The following PRKAG2 variants were observed in gnomAD, a reference collection of about 807,000 sequenced individuals.
PRKAG2 encodes the protein protein kinase AMP-activated non-catalytic subunit gamma 2, also known as 5'-AMP-activated protein kinase subunit gamma-2.
In PRKAG2, 26 loss-of-function variants were observed where a neutral mutation model predicts 69.6. The observed-to-expected ratio is 0.37, with a 90% CI of 0.27 to 0.52. The LOEUF (loss-of-function observed/expected upper bound fraction) is 0.52. Among genes scored for constraint, PRKAG2 ranks in the 20% least tolerant of loss-of-function variants. The pLI is 0.90. For synonymous variants in PRKAG2, 293 were observed against 285.0 expected (o/e 1.03, Z -0.28); for missense variants, 557 against 740.0 (o/e 0.75, Z 2.87).
intron 1 of PRKAG2, among the ~76,000 whole-genome samples, chr7:151,795,889 ATC>A (rs1491192024): frequency 6.7e-5 from 7 of 105,196 alleles, no homozygotes; most frequent in South Asian, 2.9e-4. Flanking sequence ...ATATATATAT[ATC>A]ACGATAATAT....
chr7:151,756,972 G>A lies in PRKAG2; in HGVS notation c.466+24180C>T, dbSNP rs1231122415. Among the ~76,000 whole-genome samples, 3 of 152,146 alleles carry A rather than the reference G, an allele frequency of 2.0e-5. No homozygotes were observed. The highest frequency in any genetic ancestry group is 6.5e-5 in the Admixed American group (1 of 15,274). Reference sequence around the variant, plus strand: ...GCTGCGATTCGGGGGAGTAACCAGCGGTGAGCTTCAGGCCTAAATGCTGGA... The same window carrying A: ...GCTGCGATTCGGGGGAGTAACCAGCAGTGAGCTTCAGGCCTAAATGCTGGA... On this transcript the variant is annotated intron_variant, in intron 3 of 15. Coordinates refer to ENST00000287878, the MANE Select transcript of PRKAG2 (RefSeq NM_016203.4). The surrounding 1 kb of genome is among the most constrained non-coding windows in gnomAD (Gnocchi z 4.9).
intron 3 of PRKAG2, among the ~76,000 whole-genome samples, chr7:151,703,909 C>A (rs964310697): frequency 3.8e-5 from 5 of 131,584 alleles, no homozygotes; most frequent in East Asian, 2.1e-4. Flanking sequence ...CACACACACA[C>A]AAATTAGCTA....
intron 3 of PRKAG2, among the ~76,000 whole-genome samples, chr7:151,694,896 C>T (rs182520127): frequency 2.6e-5 from 4 of 152,362 alleles, no homozygotes; most frequent in East Asian, 1.9e-4. Context: ...CGCACCCACA[C>T]GTTTCCTGGG....
At chr7:151,595,693 A>G (rs1372511972) in intron 5 of PRKAG2, among the ~76,000 whole-genome samples, 1 of 152,260 alleles carries the variant, frequency 6.6e-6, no homozygotes, top group Non-Finnish European at 1.5e-5. Context: ...GTTGAAAAGG[A>G]AAAAGCAAAA....
rs1002972401 is a variant in PRKAG2, at chr7:151,583,008, C to T, written c.865-6556G>A. ...CAGTCTATACTGACCAAACCAGAAG[C>T]CAACAGAAATTTCTTCTTTTTTTCA... is the stretch of plus-strand genomic sequence containing the variant. On this transcript the variant is annotated intron_variant, in intron 6 of 15. Transcript: ENST00000287878. The surrounding 1 kb of genome is among the most constrained non-coding windows in gnomAD (Gnocchi z 4.1). Among the ~76,000 whole-genome samples the T allele has an allele frequency of 6.6e-6, 1 of 152,162 alleles. No homozygotes were observed. Among genetic ancestry groups the T allele is most frequent in the South Asian group, 2.1e-4 (1 of 4,824 alleles).
intron 5 of PRKAG2, among the ~76,000 whole-genome samples, chr7:151,622,291 C>A (rs546049484): frequency 9.2e-5 from 14 of 152,346 alleles, no homozygotes; most frequent in Non-Finnish European, 1.9e-4. Context: ...AGAGATTACA[C>A]ATACGTCCAT....
intron 1 of PRKAG2, among the ~76,000 whole-genome samples, chr7:151,833,235 G>A (rs971137879): frequency 6.6e-6 from 1 of 151,902 alleles, no homozygotes; most frequent in African/African-American, 2.4e-5. Flanking sequence ...GGGTGGACCT[G>A]AGAAAGGGAA....
intron 1 of PRKAG2, among the ~76,000 whole-genome samples, chr7:151,875,502 T>C (rs1459417792): frequency 1.3e-5 from 2 of 151,686 alleles, no homozygotes; most frequent in Non-Finnish European, 2.9e-5. Context: ...GACAGCCCAT[T>C]CACTGCGCAC....
In PRKAG2 at chr7:151,560,389, A is replaced by G. The variant is rs772016660; in HGVS notation, c.1678+135T>C. On this transcript the variant is annotated intron_variant, in intron 15 of 15. Transcript: ENST00000287878. Reference sequence around the variant, plus strand: ...CTTCCCAACTGAAGAGAAAACGAAAATGGTTTCAAAGTAATATACTCAAAG... The same window carrying G: ...CTTCCCAACTGAAGAGAAAACGAAAGTGGTTTCAAAGTAATATACTCAAAG... 130 of 1,581,116 alleles carry G rather than the reference A, an allele frequency of 8.2e-5. No homozygotes were observed. The highest frequency in any genetic ancestry group is 1.1e-4 in the Non-Finnish European group (123 of 1,164,814).
chr7:151,593,291 G>A (rs914387551), intron 6 of PRKAG2, among the ~76,000 whole-genome samples: 1 of 152,168 alleles, frequency 6.6e-6, no homozygotes, highest in Admixed American at 6.5e-5. Flanking sequence ...GGGTTGAAGC[G>A]ACCCTCCCGC....
chr7:151,602,682 G>C (rs1280805286), intron 5 of PRKAG2, among the ~76,000 whole-genome samples: 3 of 152,096 alleles, frequency 2.0e-5, no homozygotes, highest in Non-Finnish European at 4.4e-5. Flanking sequence ...GATATGGTTT[G>C]GCTTCGTGTC....
chr7:151,658,289 C>T (rs912226618), intron 4 of PRKAG2, among the ~76,000 whole-genome samples: 1 of 151,326 alleles, frequency 6.6e-6, no homozygotes, highest in African/African-American at 2.4e-5. Context: ...AGTTTGAGAA[C>T]AGCCTGACCA....
At chr7:151,686,232 G>C (rs1214594615) in intron 3 of PRKAG2, among the ~76,000 whole-genome samples, 1 of 152,202 alleles carries the variant, frequency 6.6e-6, no homozygotes, top group Non-Finnish European at 1.5e-5. Context: ...TGTGAGCTGT[G>C]TGACGTTCCC....
At chr7:151,858,976 G>T (rs2079851953) in intron 1 of PRKAG2, among the ~76,000 whole-genome samples, 1 of 152,184 alleles carries the variant, frequency 6.6e-6, no homozygotes, top group Non-Finnish European at 1.5e-5. Flanking sequence ...TCGACAGCAG[G>T]TCCAGCCCCA....
intron 6 of PRKAG2, among the ~76,000 whole-genome samples, chr7:151,587,095 T>C (rs970478737): frequency 1.3e-5 from 2 of 152,098 alleles, no homozygotes; most frequent in African/African-American, 4.8e-5. Flanking sequence ...GAGCCGAGAT[T>C]GCGCCACTGA....
rs730880989 is a variant in PRKAG2 at position 151,781,272 on chromosome 7, G to A, written c.346C>T (p.Arg116Cys). The change falls in exon 3 of 16, where the codon CGC becomes TGC. Residue 116 changes from arginine (R) to cysteine (C), a missense_variant. This residue lies in a region of PRKAG2 where 352 missense variants were observed against 356.7 expected (regional missense o/e 0.99). Transcript: ENST00000287878. The surrounding 1 kb of genome is among the most constrained non-coding windows in gnomAD (Gnocchi z 6.1). ...CTGAAGCTCATGCGTCGAGGGGAGC[G>A]TGGCGGGGACTCCTGGTAGGAGAAC... ...FPFSYQESPP[R>C]SPRRMSFSGI... 1.4e-5 allele frequency: 23 copies of A among 1,614,000 alleles called. No individual in the cohort carries two copies. The highest frequency in any genetic ancestry group is 1.1e-4 in the East Asian group (5 of 44,890).
intron 3 of PRKAG2, among the ~76,000 whole-genome samples, chr7:151,763,163 C>A (rs1309373087): frequency 6.6e-6 from 1 of 152,208 alleles, no homozygotes; most frequent in Non-Finnish European, 1.5e-5. Flanking sequence ...CGGGTGGGCT[C>A]GGAAGTGCCA....
rs1056656742 is a variant in PRKAG2, at chr7:151,567,178, T to C, written c.1234-1293A>G. On this transcript the variant is annotated intron_variant, in intron 11 of 15. Transcript: ENST00000287878. The surrounding 1 kb of genome is among the most constrained non-coding windows in gnomAD (Gnocchi z 4.2). ...ACTGGGGGCACGTTTCCCAGCCAGG[T>C]GTCCTGTGTATGCAAGGTATGCAAA... is the stretch of plus-strand genomic sequence containing the variant. Among the ~76,000 whole-genome samples the C allele has an allele frequency of 5.9e-5, 9 of 152,088 alleles. No individual in the cohort carries two copies. The highest frequency in any genetic ancestry group is 5.9e-4 in the Admixed American group (9 of 15,252).
chr7:151,612,633 C>A (rs533196992), intron 5 of PRKAG2, among the ~76,000 whole-genome samples: 2 of 152,226 alleles, frequency 1.3e-5, no homozygotes, highest in Non-Finnish European at 2.9e-5. Context: ...CACTGCCTGG[C>A]GGTTGTCACC....
Sources: allele counts gnomAD v4.1 joint callset (sites outside exome capture counted in the v4.1 genomes callset), GRCh38; gene constraint gnomAD v4.1.1; regional missense constraint gnomAD v4.1.1; non-coding constraint Gnocchi (gnomAD v3.1); transcripts MANE v1.5; gene names NCBI Gene and HGNC (gene_info 2026-07-23, HGNC 2026-07-21).